The following GALK2 variants were observed in gnomAD, a reference collection of about 807,000 sequenced individuals.
GALK2 encodes the protein N-acetylgalactosamine kinase.
A neutral mutation model predicts 52.4 loss-of-function variants in GALK2; 36 were observed. The observed-to-expected ratio is 0.69, with a 90% CI of 0.53 to 0.91. The LOEUF (loss-of-function observed/expected upper bound fraction) is 0.91, where lower values mean the gene tolerates loss of function less well. GALK2 is among the 40% of genes least tolerant of loss of function. The pLI, the probability that GALK2 is intolerant of heterozygous loss-of-function variation, is 0.00. For synonymous variants in GALK2, 176 were observed against 199.1 expected, an observed-to-expected ratio of 0.88 and a Z score of 0.98; for missense variants, 579 against 559.1, an observed-to-expected ratio of 1.04 and a Z score of -0.36.
intron 5 of GALK2, among the ~76,000 whole-genome samples, chr15:49,255,728 GT>G (rs1395939723): frequency 6.6e-6 from 1 of 152,012 alleles, no homozygotes; most frequent in Admixed American, 6.6e-5. Context: ...TAAAGGTGGA[GT>G]TTTTGTTAAT....
chr15:49,269,468 TG>T (rs1425401389), intron 5 of GALK2, among the ~76,000 whole-genome samples: 6 of 152,182 alleles, frequency 3.9e-5, no homozygotes, highest in Non-Finnish European at 8.8e-5. Context: ...AATTCTCTAC[TG>T]TTTCATGAAG....
At position 49,357,545 on chromosome 15, in the gene GALK2, T is replaced by G. The variant is rs560018988; in HGVS notation, c.427-9946T>G. 1.9e-3 allele frequency among the ~76,000 whole-genome samples: 289 copies of G among 151,940 alleles called. 2 individuals carry two copies. The highest frequency in any genetic ancestry group is 6.5e-3 in the African/African-American group (268 of 41,484). ...CTCCCAAGACTAAACCAGGAAGAAG[T>G]TGAATCTCTGAACAGACCAATAACA... On this transcript the variant is annotated intron_variant, in intron 3 of 3. Transcript: ENST00000558399.
At chr15:49,229,700 G>T (rs1360944931) in intron 3 of GALK2, among the ~76,000 whole-genome samples, 3 of 152,172 alleles carry the variant, frequency 2.0e-5, no homozygotes, top group Non-Finnish European at 4.4e-5. Flanking sequence ...AGTGAACCAA[G>T]CCACCTAGTG....
At chr15:49,358,095 A>G (rs900105442) in intron 3 of GALK2, among the ~76,000 whole-genome samples, 21 of 152,134 alleles carry the variant, frequency 1.4e-4, no homozygotes, top group African/African-American at 5.1e-4. Flanking sequence ...TTTCAAAATA[A>G]TAAGAGCTAT....
At chr15:49,301,548 A>G (rs2035115894) in intron 8 of GALK2, among the ~76,000 whole-genome samples, 1 of 152,144 alleles carries the variant, frequency 6.6e-6, no homozygotes, top group South Asian at 2.1e-4. Context: ...ATAACTCAAG[A>G]ACACACATTG....
At chr15:49,250,516 G>A (rs1185257401) in intron 5 of GALK2, among the ~76,000 whole-genome samples, 1 of 152,096 alleles carries the variant, frequency 6.6e-6, no homozygotes, top group Non-Finnish European at 1.5e-5. Flanking sequence ...AAAATATGAG[G>A]CTCAGAGAAT....
At chr15:49,339,622 T>A (rs1043278085) in intron 3 of GALK2, among the ~76,000 whole-genome samples, 2 of 152,156 alleles carry the variant, frequency 1.3e-5, no homozygotes, top group African/African-American at 2.4e-5. Context: ...CTTGAGAAGG[T>A]AGGCTGTCCC....
chr15:49,186,725 G>C (rs897419930), intron 1 of GALK2, among the ~76,000 whole-genome samples: 1 of 151,872 alleles, frequency 6.6e-6, no homozygotes, highest in Admixed American at 6.6e-5. Flanking sequence ...TTTTAGTAGA[G>C]ACAGGGTTTC....
At chr15:49,166,080 T>C (rs3105862), upstream of GALK2, among the ~76,000 whole-genome samples, 89,019 of 151,528 alleles carry the variant, frequency 0.59, 26,273 homozygotes, top group Middle Eastern at 0.66. Context: ...GGAATTACAC[T>C]GCGCCCGGCC....
At chr15:49,231,988 C>T (rs2090528272) in intron 3 of GALK2, among the ~76,000 whole-genome samples, 1 of 152,218 alleles carries the variant, frequency 6.6e-6, no homozygotes, top group African/African-American at 2.4e-5. Flanking sequence ...AGACAATGGC[C>T]CTCTTCTCAC....
chr15:49,298,345 G>A (rs1485862685), intron 8 of GALK2, among the ~76,000 whole-genome samples: 2 of 152,092 alleles, frequency 1.3e-5, no homozygotes, highest in Admixed American at 1.3e-4. Context: ...TCTAGGTATA[G>A]TATCATATTG....
At chr15:49,367,177 C>A (rs368030546) in intron 3 of GALK2, among the ~76,000 whole-genome samples, 18 of 152,014 alleles carry the variant, frequency 1.2e-4, no homozygotes, top group East Asian at 1.2e-3. Context: ...GCAAAGATAG[C>A]CTTTTATCAG....
intron 4 of GALK2, among the ~76,000 whole-genome samples, chr15:49,236,625 A>G (rs530541431): frequency 4.7e-4 from 72 of 152,382 alleles, no homozygotes; most frequent in African/African-American, 1.4e-3. Context: ...GGACCAAAAG[A>G]AAATTGATAT....
intron 3 of GALK2, among the ~76,000 whole-genome samples, chr15:49,340,963 G>A (rs368548925): frequency 1.3e-5 from 2 of 152,186 alleles, no homozygotes; most frequent in African/African-American, 4.8e-5. Context: ...AAAGGGTCCA[G>A]TTCCAATCTT....
chr15:49,367,584 CT>C, exon 4 of GALK2: 1 of 1,598,474 alleles, frequency 6.3e-7, no homozygotes, highest in Non-Finnish European at 8.5e-7. Context: ...CGATTAAACT[CT>C]GGACCAGTAC....
At chr15:49,194,649 G>A (rs1318985193) in intron 1 of GALK2, among the ~76,000 whole-genome samples, 1 of 148,634 alleles carries the variant, frequency 6.7e-6, no homozygotes, top group Non-Finnish European at 1.5e-5. Context: ...GGGCTGGAGT[G>A]CAATGGTGCA....
intron 8 of GALK2, 69 bp downstream of exon 8, chr15:49,292,606 CACTGGTTTTAGAGAAT>C (rs1341192074): frequency 1.6e-6 from 2 of 1,287,950 alleles, no homozygotes; most frequent in African/African-American, 2.9e-5. Context: ...TCAATTTCTC[CACTGGTTTTAGAGAAT>C]ACTTGAGGGA....
intron 1 of GALK2, among the ~76,000 whole-genome samples, chr15:49,195,762 G>A (rs2087168409): frequency 6.6e-6 from 1 of 151,920 alleles, no homozygotes; most frequent in Non-Finnish European, 1.5e-5. Flanking sequence ...TGGTTAGAGG[G>A]TAGAGCCAGG....
At chr15:49,292,281 C>A in intron 7 of GALK2, 46 bp from the exon 8 acceptor site, 1 of 1,550,958 alleles carries the variant, frequency 6.4e-7, no homozygotes, top group South Asian at 1.1e-5. Context: ...TAGTACACAT[C>A]AAATTCTGAA....
Sources: gnomAD v4.1 joint callset for allele counts (sites outside exome capture counted in the v4.1 genomes callset) on GRCh38, gnomAD v4.1.1 for gene constraint, MANE v1.5 for transcripts, NCBI Gene and HGNC (gene_info 2026-07-23, HGNC 2026-07-21) for gene names.